The following HSPA12A variants were observed in gnomAD, a reference collection of about 807,000 sequenced individuals.
HSPA12A encodes the protein heat shock protein family A (Hsp70) member 12A, also known as heat shock 70 kDa protein 12A.
In HSPA12A, 28 loss-of-function variants were observed where a neutral mutation model predicts 69.2. That is an observed-to-expected ratio of 0.40 (90% CI 0.30 to 0.55). HSPA12A has a LOEUF of 0.55. HSPA12A is among the 20% of genes least tolerant of loss of function. The pLI is 0.38. For synonymous variants in HSPA12A, 345 were observed against 370.5 expected (o/e 0.93, Z 0.79); for missense variants, 686 against 900.7 (o/e 0.76, Z 3.05).
intron 1 of HSPA12A, among the ~76,000 whole-genome samples, chr10:116,718,000 T>C (rs1379168827): frequency 6.6e-6 from 1 of 152,172 alleles, no homozygotes; most frequent in Non-Finnish European, 1.5e-5. Context: ...TGAGAGGCCA[T>C]ATGACCACAG....
In HSPA12A at chr10:116,805,264, C is replaced by G. The variant is rs59754285; in HGVS notation, c.91+29671G>C. On this transcript the variant is annotated intron_variant, in intron 2 of 12. Coordinates refer to the HSPA12A transcript ENST00000635765. ...CCGGGAGGCGGAGCTTGCAGTGAGCCGAGATCGCGCCACTGCACTCCAGCC... is the reference window on the plus strand; with the variant it reads ...CCGGGAGGCGGAGCTTGCAGTGAGCGGAGATCGCGCCACTGCACTCCAGCC... Among the ~76,000 whole-genome samples the G allele has an allele frequency of 1.0e-3, 153 of 152,058 alleles. 3 individuals carry two copies. In the East Asian group the frequency reaches 0.028, roughly 28 times the overall value.
chr10:116,787,814 A>G (rs1459931043), intron 2 of HSPA12A, among the ~76,000 whole-genome samples: 1 of 152,188 alleles, frequency 6.6e-6, no homozygotes, highest in African/African-American at 2.4e-5. Context: ...CACAAGGACT[A>G]AGAAGTGGAG....
At chr10:116,744,042 C>T (rs1851590587), upstream of HSPA12A, among the ~76,000 whole-genome samples, 1 of 152,168 alleles carries the variant, frequency 6.6e-6, no homozygotes, top group Non-Finnish European at 1.5e-5. Context: ...CCCTTCCTGC[C>T]TACGTGCCTG....
chr10:116,713,187 T>C (rs868975129), intron 1 of HSPA12A, among the ~76,000 whole-genome samples: 1 of 151,188 alleles, frequency 6.6e-6, no homozygotes, highest in African/African-American at 2.4e-5. Flanking sequence ...CTGGCAAACA[T>C]CTTTTCAGAA....
intron 1 of HSPA12A, among the ~76,000 whole-genome samples, chr10:116,727,173 T>C (rs1402371175): frequency 3.3e-5 from 5 of 152,206 alleles, no homozygotes; most frequent in Non-Finnish European, 5.9e-5. Flanking sequence ...CAAAATTTAG[T>C]GGGTTAAAAT....
At chr10:116,786,791 C>A (rs1844585797) in intron 2 of HSPA12A, among the ~76,000 whole-genome samples, 1 of 152,056 alleles carries the variant, frequency 6.6e-6, no homozygotes, top group South Asian at 2.1e-4. Context: ...AGGTGCCCAC[C>A]ACCACGTCCA....
At chr10:116,802,184 T>C (rs10732812) in intron 2 of HSPA12A, among the ~76,000 whole-genome samples, 82,585 of 151,922 alleles carry the variant, frequency 0.54, 22,623 homozygotes, top group East Asian at 0.65. Flanking sequence ...GTGTTCTTTA[T>C]GGCATGGTTG....
intron 2 of HSPA12A, among the ~76,000 whole-genome samples, chr10:116,789,879 G>A (rs957103389): frequency 3.9e-5 from 6 of 152,066 alleles, no homozygotes; most frequent in Admixed American, 6.6e-5. Context: ...ATGCCCAGAC[G>A]TCCCTCTTAA....
chr10:116,682,309 G>C (rs560868187), intron 7 of HSPA12A, among the ~76,000 whole-genome samples: 12 of 152,326 alleles, frequency 7.9e-5, no homozygotes, highest in Non-Finnish European at 1.6e-4. Context: ...AAATCGCCTA[G>C]TTTCCCGGCT....
Position 116,681,825 on chromosome 10 carries a change from A to G in HSPA12A, c.888T>C (p.Asn296=). 1.2e-6 allele frequency: 2 copies of G among 1,614,172 alleles called. No individual in the cohort carries two copies. The highest frequency in any genetic ancestry group is 1.7e-6 in the Non-Finnish European group (2 of 1,179,998). Residue 296 remains asparagine, a synonymous_variant, in exon 8 of 12, where the codon AAT becomes AAC. Transcript: ENST00000369209. ...GCTCGGACCAGATTTCTCCTATGAC[A>G]TTCTCCACCAAAAAGGTCCGACTCT... The part of the protein sequence containing the change: ...NRQSRTFLVE[N]VIGEIWSELE...
At chr10:116,779,820 G>A (rs938772123) in intron 2 of HSPA12A, among the ~76,000 whole-genome samples, 1 of 152,040 alleles carries the variant, frequency 6.6e-6, no homozygotes, top group Non-Finnish European at 1.5e-5. Flanking sequence ...GAGCTAGCAG[G>A]GGGGACGGGA....
intron 1 of HSPA12A, among the ~76,000 whole-genome samples, chr10:116,839,355 T>G (rs1251786368): frequency 1.3e-5 from 2 of 152,172 alleles, no homozygotes; most frequent in African/African-American, 4.8e-5. Context: ...CGGCTCTTCT[T>G]TGCTGTTTCC....
intron 10 of HSPA12A, among the ~76,000 whole-genome samples, chr10:116,678,671 G>A (rs1206902551): frequency 2.0e-5 from 3 of 151,702 alleles, no homozygotes; most frequent in Non-Finnish European, 2.9e-5. Context: ...ATTGTTAAGT[G>A]TTATCGTGGT....
chr10:116,814,474 C>A (rs1845259311), intron 2 of HSPA12A, among the ~76,000 whole-genome samples: 1 of 152,202 alleles, frequency 6.6e-6, no homozygotes, highest in African/African-American at 2.4e-5. Context: ...CCCACCTGCA[C>A]CAAAGATGAA....
chr10:116,684,065 CTCT>C, intron 6 of HSPA12A, 103 bp from the exon 7 acceptor site: 2 of 962,646 alleles, frequency 2.1e-6, no homozygotes, highest in Non-Finnish European at 2.9e-6. Flanking sequence ...CGCACTCGTG[CTCT>C]GCATCTGTGG....
At chr10:116,813,887 C>T (rs1845247058) in intron 2 of HSPA12A, among the ~76,000 whole-genome samples, 1 of 151,472 alleles carries the variant, frequency 6.6e-6, no homozygotes, top group African/African-American at 2.4e-5. Context: ...GACCTTGTTG[C>T]TAAGAAAAAA....
At chr10:116,848,299 G>C (rs1845937664) in intron 1 of HSPA12A, among the ~76,000 whole-genome samples, 1 of 152,242 alleles carries the variant, frequency 6.6e-6, no homozygotes, top group African/African-American at 2.4e-5. Context: ...AGAGCAGAGA[G>C]AACACGGAGG....
intron 5 of HSPA12A, chr10:116,698,421 A>G: frequency 2.4e-6 from 1 of 425,432 alleles, no homozygotes; most frequent in Non-Finnish European, 4.2e-6. Flanking sequence ...CTTTTTTAGG[A>G]ATTGCCAAAC....
At chr10:116,780,913 T>C (rs1844448798) in intron 2 of HSPA12A, among the ~76,000 whole-genome samples, 1 of 152,196 alleles carries the variant, frequency 6.6e-6, no homozygotes, top group South Asian at 2.1e-4. Flanking sequence ...CAGCCAGAGA[T>C]TAATGAAAAT....
Sources: allele counts gnomAD v4.1 joint callset (sites outside exome capture counted in the v4.1 genomes callset), GRCh38; gene constraint gnomAD v4.1.1; transcripts MANE v1.5; gene names NCBI Gene and HGNC (gene_info 2026-07-23, HGNC 2026-07-21).